Variants in LSS observed in about 807,000 individuals in gnomAD.
LSS encodes 2,3-epoxysqualene-lanosterol cyclase.
Under a neutral mutation model 110.3 loss-of-function variants are expected in LSS, and 90 were observed. The ratio of observed to expected loss-of-function variants is 0.82; its 90% CI spans 0.69 to 0.97. LSS has a LOEUF of 0.97. Ranked by LOEUF, LSS falls within the 50% of genes least tolerant of loss-of-function variation. The probability of loss-of-function intolerance (pLI) is 0.00; values close to 1 mark genes in which losing one functional copy is unlikely to be tolerated. For missense variants in LSS, 927 were observed against 990.0 expected (o/e 0.94, Z 0.85); for synonymous variants, 433 against 400.0 (o/e 1.08, Z -0.98).
intron 3 of LSS, 138 bp downstream of exon 3, chr21:46,227,414 G>A: frequency 2.8e-6 from 3 of 1,057,574 alleles, no homozygotes; most frequent in Non-Finnish European, 4.1e-6. Context: ...CTCTGACATA[G>A]GGCAGAGTTT....
chr21:46,203,445 A>T (rs746589417), intron 17 of LSS, among the ~76,000 whole-genome samples: 1 of 152,236 alleles, frequency 6.6e-6, no homozygotes, highest in Non-Finnish European at 1.5e-5. Context: ...GTGGAGACCA[A>T]ACAGCAACAG....
Position 46,216,667 on chromosome 21 carries a change from C to A in LSS, c.648-143G>T. The A allele has an allele frequency of 9.0e-7, 1 of 1,116,014 alleles. No homozygotes were observed. The highest frequency in any genetic ancestry group is 1.2e-6 in the Non-Finnish European group (1 of 809,112). 69.1% of individuals were successfully genotyped at this position (1,116,014 alleles called of 1,614,324 possible). A position where few individuals can be genotyped will look rare whatever the true frequency, so the allele number is the denominator to read the frequency against. ...CGTCAGTGCATCTGCGGGCATTTCC[C>A]AACCGTGCTCCTGAGGGGCACAGTT... On this transcript the variant is annotated intron_variant, in intron 6 of 21. Transcript: ENST00000397728. The surrounding 1 kb of genome is among the most constrained non-coding windows in gnomAD (Gnocchi z 4.2).
Position 46,215,182 on chromosome 21 carries a change from G to A in LSS, c.1009C>T (p.Pro337Ser). The A allele has an allele frequency of 6.2e-7, 1 of 1,609,194 alleles. No homozygotes were observed. The highest frequency in any genetic ancestry group is 1.1e-5 in the South Asian group (1 of 90,990). ...AGAGGCCGGGCAGGGGCACTGACCG[G>A]GCCGATGCTGATGCTCTTGGTGAAT... ...DRFTKSISIG[P>S]ISKTINMLVR... Residue 337 changes from proline to serine, a missense_variant and splice_region_variant, in exon 9 of 22, where the codon CCG becomes TCG. Pro to Ser is a moderately conservative substitution (Grantham distance 74). Coordinates refer to ENST00000397728, the MANE Select transcript of LSS (RefSeq NM_002340.6).
intron 11 of LSS, 133 bp from the exon 12 acceptor site, chr21:46,210,877 T>G: frequency 1.3e-6 from 1 of 799,496 alleles, no homozygotes; most frequent in Non-Finnish European, 2.1e-6. Flanking sequence ...CCTCAGGCTC[T>G]GAGCCCTGGG....
In LSS at chr21:46,228,602, G is replaced by C. The variant is rs1216190144; in HGVS notation, c.15-3C>G. 2 of 1,592,036 alleles carry C rather than the reference G, an allele frequency of 1.3e-6. No individual in the cohort carries two copies. Among genetic ancestry groups the C allele is most frequent in the Non-Finnish European group, 1.7e-6 (2 of 1,176,060 alleles). ...GGCCCCCTCGGCGCCGCAGACACCTGAGGACCACCGGCCATCAGCGACCCA... is the reference window on the plus strand; with the variant it reads ...GGCCCCCTCGGCGCCGCAGACACCTCAGGACCACCGGCCATCAGCGACCCA... On this transcript the variant is annotated splice_polypyrimidine_tract_variant and splice_region_variant and intron_variant, in intron 1 of 21. Coordinates refer to ENST00000397728, the MANE Select transcript of LSS (RefSeq NM_002340.6).
intron 4 of LSS, 113 bp downstream of exon 4, chr21:46,222,517 C>G: frequency 1.1e-6 from 1 of 894,366 alleles, no homozygotes; most frequent in Non-Finnish European, 1.7e-6. Flanking sequence ...ACCCCACACC[C>G]ACAGCTGCAA....
rs116729392 is a variant in LSS at position 46,205,564 on chromosome 21, C to G, written c.1670+272G>C. Reference sequence around the variant, plus strand: ...TACTTAAAAACCGTTTCTGGGACACCGGTGGAGTCAGGTATGTGATGTCTT... The same window carrying G: ...TACTTAAAAACCGTTTCTGGGACACGGGTGGAGTCAGGTATGTGATGTCTT... On this transcript the variant is annotated intron_variant, in intron 17 of 21. Transcript: ENST00000397728. Among the ~76,000 whole-genome samples the G allele has an allele frequency of 1.8e-4, 28 of 152,310 alleles. 1 individual carries two copies. The East Asian group carries it at 4.8e-3, about 26-fold the overall frequency.
chr21:46,228,485 G>A lies in LSS; in HGVS notation c.129C>T (p.Arg43=), dbSNP rs761084321. The change falls in exon 2 of 22, where the codon CGC becomes CGT. Residue 43 remains arginine, a synonymous_variant. Coordinates refer to ENST00000397728, the MANE Select transcript of LSS (RefSeq NM_002340.6). ...RQTWTYLQDE[R]AGREQTGLEA... ...CCAGGCCGGTCTGCTCGCGGCCGGC[G>A]CGCTCGTCCTGCAGGTAGGTCCACG... 5.0e-6 allele frequency: 8 copies of A among 1,603,316 alleles called. No individual in the cohort carries two copies. In the East Asian group the frequency reaches 1.8e-4, roughly 36 times the overall value.
At chr21:46,212,612 A>AC (rs1160909929) in intron 11 of LSS, among the ~76,000 whole-genome samples, 1 of 152,198 alleles carries the variant, frequency 6.6e-6, no homozygotes, top group East Asian at 1.9e-4. Context: ...GCCACACGCC[A>AC]CCACGGTCCT....
chr21:46,203,610 G>T (rs1279746385), intron 17 of LSS, among the ~76,000 whole-genome samples: 1 of 152,230 alleles, frequency 6.6e-6, no homozygotes, highest in East Asian at 1.9e-4. Context: ...CTCTAAATGT[G>T]GCTGAGGACA....
At chr21:46,220,083 G>A (rs1569034941) in intron 5 of LSS, among the ~76,000 whole-genome samples, 1 of 152,166 alleles carries the variant, frequency 6.6e-6, no homozygotes, top group Non-Finnish European at 1.5e-5. Context: ...GCTCCGGCAC[G>A]CTGGCCCCAT....
In LSS at chr21:46,209,075, G is replaced by C. The variant is rs1307579568; in HGVS notation, c.1266+479C>G. Among the ~76,000 whole-genome samples the C allele has an allele frequency of 6.6e-6, 1 of 152,188 alleles. No individual in the cohort carries two copies. Among genetic ancestry groups the C allele is most frequent in the East Asian group, 1.9e-4 (1 of 5,186 alleles). On this transcript the variant is annotated intron_variant, in intron 13 of 21. Coordinates refer to ENST00000397728, the MANE Select transcript of LSS (RefSeq NM_002340.6). This position sits in a 1 kb window ranked among gnomAD's most constrained non-coding sequence, Gnocchi z 4.4. ...GACTGGGGTGCAGGCACGTGTGAGA[G>C]ACACTGAGGTCAAACTATGGGCTCG...
Position 46,216,648 on chromosome 21 carries a change from T to C in LSS, c.648-124A>G. 2 of 1,261,044 alleles carry C rather than the reference T, an allele frequency of 1.6e-6. No individual in the cohort carries two copies. Among genetic ancestry groups the C allele is most frequent in the East Asian group, 2.6e-5 (1 of 38,546 alleles). The allele number at this position is 1,261,044 out of a possible 1,614,324, so 78.1% of individuals were successfully genotyped here. ...GGATGGCTATTCCCCACCACGTCAG[T>C]GCATCTGCGGGCATTTCCCAACCGT... is the stretch of plus-strand genomic sequence containing the variant. On this transcript the variant is annotated intron_variant, in intron 6 of 21. Coordinates refer to ENST00000397728, the MANE Select transcript of LSS (RefSeq NM_002340.6). The surrounding 1 kb of genome is among the most constrained non-coding windows in gnomAD (Gnocchi z 4.2).
At chr21:46,203,494 T>G (rs1017032301) in intron 17 of LSS, among the ~76,000 whole-genome samples, 6 of 152,264 alleles carry the variant, frequency 3.9e-5, no homozygotes, top group Admixed American at 6.5e-5. Flanking sequence ...CGACTTAGCT[T>G]CTTCTTTGCG....
intron 17 of LSS, among the ~76,000 whole-genome samples, chr21:46,202,257 A>AGTGGCGGGCGCC (rs2079988538): frequency 7.0e-6 from 1 of 143,648 alleles, no homozygotes; most frequent in Non-Finnish European, 1.5e-5. Flanking sequence ...AGCCGGGCGT[A>AGTGGCGGGCGCC]GTGGCGGGCG....
chr21:46,188,928 T>C lies in LSS; in HGVS notation c.*2176A>G, dbSNP rs2079767051. Reference sequence around the variant, plus strand: ...TTATGGCCTTTAAAACATATTAAAATAGGCTATGCTATTATCTCTTAAAAT... The same window carrying C: ...TTATGGCCTTTAAAACATATTAAAACAGGCTATGCTATTATCTCTTAAAAT... On this transcript the variant is annotated 3_prime_UTR_variant, in exon 22 of 22. Transcript: ENST00000397728. 2.6e-6 allele frequency: 1 copy of C among 380,168 alleles called. No homozygotes were observed. Among genetic ancestry groups the C allele is most frequent in the Non-Finnish European group, 5.4e-6 (1 of 185,812 alleles). 23.5% of individuals were successfully genotyped at this position (380,168 alleles called of 1,614,324 possible). A position where few individuals can be genotyped will look rare whatever the true frequency, so the allele number is the denominator to read the frequency against.
chr21:46,217,132 A>G (rs751869976), intron 6 of LSS, among the ~76,000 whole-genome samples: 1 of 151,504 alleles, frequency 6.6e-6, no homozygotes, highest in Non-Finnish European at 1.5e-5. Context: ...CTCTAGTCCC[A>G]GCTACTCGGG....
intron 11 of LSS, 55 bp downstream of exon 11, chr21:46,212,970 A>C: frequency 6.2e-7 from 1 of 1,608,572 alleles, no homozygotes; most frequent in South Asian, 1.1e-5. Flanking sequence ...GAAAAATAAT[A>C]AAGGGGAGAC....
intron 6 of LSS, among the ~76,000 whole-genome samples, chr21:46,217,823 C>T (rs896943097): frequency 1.3e-5 from 2 of 152,340 alleles, no homozygotes; most frequent in Admixed American, 1.3e-4. Flanking sequence ...GCTCATTACA[C>T]ACGGGCGAGG....
Sources: gnomAD v4.1 joint callset for allele counts (sites outside exome capture counted in the v4.1 genomes callset) on GRCh38, gnomAD v4.1.1 for gene constraint, Gnocchi (gnomAD v3.1) non-coding constraint, MANE v1.5 for transcripts, NCBI Gene and HGNC (gene_info 2026-07-23, HGNC 2026-07-21) for gene names.